Variants in BRAF observed in about 807,000 individuals in gnomAD.
The protein encoded by BRAF is B-Raf proto-oncogene, serine/threonine kinase.
A neutral mutation model predicts 104.6 loss-of-function variants in BRAF; 16 were observed. The ratio of observed to expected loss-of-function variants is 0.15; its 90% confidence interval spans 0.10 to 0.23. BRAF has a LOEUF of 0.23. Ranked by LOEUF, BRAF falls within the 10% of genes least tolerant of loss-of-function variation. BRAF has a pLI of 1.00. For synonymous variants in BRAF, 310 were observed against 341.6 expected, an observed-to-expected ratio of 0.91 and a Z score of 1.02; for missense variants, 541 against 937.3, an observed-to-expected ratio of 0.58 and a Z score of 5.52.
chr7:140,749,167 G>A, intron 17 of BRAF, 120 bp downstream of exon 16: 1 of 1,372,974 alleles, frequency 7.3e-7, no homozygotes, highest in Non-Finnish European at 1.0e-6. Flanking sequence ...TTCTAAAACT[G>A]GTAACAAAAA....
chr7:140,771,471 G>A (rs1162892904), intron 14 of BRAF, among the ~76,000 whole-genome samples: 1 of 152,142 alleles, frequency 6.6e-6, no homozygotes, highest in Non-Finnish European at 1.5e-5. Flanking sequence ...TGGGATTACA[G>A]GTGTGAGCCA....
intron 1 of BRAF, among the ~76,000 whole-genome samples, chr7:140,892,603 G>A (rs918269663): frequency 6.6e-5 from 10 of 152,184 alleles, no homozygotes; most frequent in Admixed American, 5.9e-4. Flanking sequence ...TAAACTTTAG[G>A]AAATACTGTG....
chr7:140,802,510 C>T (rs1195991672), intron 5 of BRAF, among the ~76,000 whole-genome samples: 4 of 151,960 alleles, frequency 2.6e-5, no homozygotes, highest in African/African-American at 7.3e-5. Flanking sequence ...GTTGACCAGG[C>T]TGGTCTTGAA....
chr7:140,727,284 A>G (rs1395789484), intron 19 of BRAF, among the ~76,000 whole-genome samples: 1 of 151,110 alleles, frequency 6.6e-6, no homozygotes, highest in Non-Finnish European at 1.5e-5. Flanking sequence ...CCTGGGTTCA[A>G]GTGATTCTCC....
Position 140,721,566 on chromosome 7 carries a change from A to T in BRAF, c.*4928T>A. ...AATTTTACCAGAGCTAGCAACATGG[A>T]CCACAGATATACTGGTGACTCCGCT... On this transcript the variant is annotated 3_prime_UTR_variant, in exon 20 of 20. Transcript: ENST00000644969. 6.6e-7 allele frequency: 1 copy of T among 1,509,686 alleles called. No homozygotes were observed. The highest frequency in any genetic ancestry group is 8.8e-7 in the Non-Finnish European group (1 of 1,135,434). The allele number at this position is 1,509,686 out of a possible 1,614,324, so 93.5% of individuals were successfully genotyped here. A position where few individuals can be genotyped will look rare whatever the true frequency, so the allele number is the denominator to read the frequency against.
chr7:140,897,208 G>C (rs1815028524), intron 1 of BRAF, among the ~76,000 whole-genome samples: 1 of 151,954 alleles, frequency 6.6e-6, no homozygotes, highest in African/African-American at 2.4e-5. Context: ...AAGATATAAA[G>C]TAGTAATGTG....
chr7:140,800,382 T>C lies in BRAF; in HGVS notation c.960A>G (p.Ala320=), dbSNP rs766583622. Reference sequence around the variant, plus strand: ...CATACCCAATAGAGTCCGAGGCGGGTGCGGAAGGGGATGATCCAGATGTTA... The same window carrying C: ...CATACCCAATAGAGTCCGAGGCGGGCGCGGAAGGGGATGATCCAGATGTTA... The part of the protein sequence containing the change: ...TALTSGSSPS[A]PASDSIGPQI... The change falls in exon 7 of 20, where the codon GCA becomes GCG. Residue 320 remains alanine (A), a synonymous_variant. Coordinates refer to ENST00000644969, the MANE Select transcript of BRAF (RefSeq NM_001374258.1). The C allele has an allele frequency of 2.5e-6, 4 of 1,613,806 alleles. No homozygotes were observed. In the Admixed American group the frequency reaches 5.0e-5, roughly 20 times the overall value.
chr7:140,796,901 G>A (rs994154653), intron 7 of BRAF, among the ~76,000 whole-genome samples: 8 of 152,142 alleles, frequency 5.3e-5, no homozygotes, highest in Admixed American at 1.3e-4. Flanking sequence ...TACATAACAG[G>A]TATATTTTTC....
chr7:140,733,486 T>C (rs1796142130), intron 19 of BRAF: 1 of 152,240 alleles, frequency 6.6e-6, no homozygotes, highest in Non-Finnish European at 1.5e-5. Context: ...AAGAATACAC[T>C]GACCACCACA....
chr7:140,766,467 A>G (rs1300594375), intron 14 of BRAF, among the ~76,000 whole-genome samples: 1 of 151,958 alleles, frequency 6.6e-6, no homozygotes, highest in Non-Finnish European at 1.5e-5. Context: ...AACAACAAAA[A>G]AGAAAATAAA....
At chr7:140,893,229 T>A (rs937324021) in intron 1 of BRAF, among the ~76,000 whole-genome samples, 43 of 151,330 alleles carry the variant, frequency 2.8e-4, no homozygotes, top group Non-Finnish European at 6.0e-4. Context: ...AGGCTTATTC[T>A]CCCTGCTGTT....
chr7:140,868,636 T>C (rs1488140658), intron 1 of BRAF, among the ~76,000 whole-genome samples: 4 of 152,188 alleles, frequency 2.6e-5, no homozygotes, highest in African/African-American at 7.2e-5. Context: ...GAAAACATTC[T>C]AAAATTAAAT....
intron 8 of BRAF, among the ~76,000 whole-genome samples, chr7:140,788,748 C>T (rs1801645207): frequency 1.3e-5 from 2 of 152,178 alleles, no homozygotes; most frequent in East Asian, 1.9e-4. Flanking sequence ...ACCACCATGC[C>T]TGGCTAATTT....
rs553684620 is a variant in BRAF at position 140,818,532 on chromosome 7, C to T, written c.505-9537G>A. 1.4e-4 allele frequency among the ~76,000 whole-genome samples: 22 copies of T among 152,184 alleles called. No individual in the cohort carries two copies. In the East Asian group the frequency reaches 3.3e-3, roughly 23 times the overall value. On this transcript the variant is annotated intron_variant, in intron 3 of 19. Transcript: ENST00000644969. ...TTCATCATGTTGGCCAGGCTGGTCT[C>T]GAACTCCTGACCTCAGGTGATCCGC... is the stretch of plus-strand genomic sequence containing the variant.
At chr7:140,805,463 T>A (rs1040659862) in intron 5 of BRAF, among the ~76,000 whole-genome samples, 4 of 152,276 alleles carry the variant, frequency 2.6e-5, no homozygotes, top group Admixed American at 2.6e-4. Flanking sequence ...TCATAAATTT[T>A]AAGCAATATA....
rs114603060 is a variant in BRAF at position 140,873,092 on chromosome 7, C to T, written c.139-22880G>A. Among the ~76,000 whole-genome samples the T allele has an allele frequency of 2.4e-3, 366 of 151,772 alleles. 1 individual carries two copies. Among genetic ancestry groups the T allele is most frequent in the African/African-American group, 8.4e-3 (349 of 41,344 alleles). On this transcript the variant is annotated intron_variant, in intron 1 of 19. Coordinates refer to ENST00000644969, the MANE Select transcript of BRAF (RefSeq NM_001374258.1). ...AAGCAACTATAAAGCTGGACAAAAC[C>T]GTCAAAACAACCATTTCAGTGCTCT... is the stretch of plus-strand genomic sequence containing the variant.
intron 3 of BRAF, 85 bp downstream of exon 3, chr7:140,834,523 GA>G: frequency 6.5e-7 from 1 of 1,544,582 alleles, no homozygotes; most frequent in African/African-American, 1.4e-5. Flanking sequence ...CTCTGAGTAT[GA>G]AGTAATAATA....
At chr7:140,882,957 G>A (rs1813111540) in intron 1 of BRAF, among the ~76,000 whole-genome samples, 1 of 151,626 alleles carries the variant, frequency 6.6e-6, no homozygotes, top group Admixed American at 6.6e-5. Context: ...TTGCACCACT[G>A]CACTCCAGCT....
At chr7:140,831,460 A>G (rs914889880) in intron 3 of BRAF, among the ~76,000 whole-genome samples, 17 of 152,216 alleles carry the variant, frequency 1.1e-4, no homozygotes, top group Admixed American at 2.6e-4. Context: ...CAGCAGTCAC[A>G]TAGAACTCTC....
Sources: allele counts gnomAD v4.1 joint callset (sites outside exome capture counted in the v4.1 genomes callset), GRCh38; gene constraint gnomAD v4.1.1; transcripts MANE v1.5; gene names NCBI Gene and HGNC (gene_info 2026-07-23, HGNC 2026-07-21).